The following PRKX variants were observed in gnomAD, a reference collection of about 807,000 sequenced individuals.
The protein encoded by PRKX is cAMP-dependent protein kinase catalytic subunit PRKX.
A neutral mutation model predicts 22.0 loss-of-function variants in PRKX; 12 were observed. That is an observed-to-expected ratio of 0.54 (90% CI 0.35 to 0.88). The LOEUF is 0.88. Among genes scored for constraint, PRKX ranks in the 40% least tolerant of loss-of-function variants. PRKX has a pLI of 0.01. For synonymous variants in PRKX, 134 were observed against 137.7 expected (o/e 0.97, Z 0.19); for missense variants, 217 against 308.0 (o/e 0.70, Z 2.21).
At chrX:3,707,257 G>A (rs983162455) in intron 1 of PRKX, among the ~76,000 whole-genome samples, 4 of 112,172 alleles carry the variant, frequency 3.6e-5, no homozygotes, top group Non-Finnish European at 5.6e-5. Flanking sequence ...AACAACTGCC[G>A]ATAATGCCAT....
At chrX:3,622,567 C>A (rs1214021465) in intron 5 of PRKX, among the ~76,000 whole-genome samples, 12 of 110,569 alleles carry the variant, frequency 1.1e-4, no homozygotes, top group African/African-American at 4.0e-4. Context: ...TTGTGAATCT[C>A]GCCAGTGCTG....
At chrX:3,629,590 A>T (rs1033474231) in intron 4 of PRKX, among the ~76,000 whole-genome samples, 1 of 110,782 alleles carries the variant, frequency 9.0e-6, no homozygotes, top group African/African-American at 3.3e-5. Context: ...TTCATGGAAC[A>T]GTATGTGGCA....
chrX:3,653,244 G>A (rs1927373849), intron 3 of PRKX, among the ~76,000 whole-genome samples: 1 of 110,251 alleles, frequency 9.1e-6, no homozygotes, highest in Non-Finnish European at 1.9e-5. Flanking sequence ...GGGCCCCAGA[G>A]AGCCCCCTCG....
chrX:3,712,676 G>A (rs1207365889), intron 1 of PRKX, among the ~76,000 whole-genome samples: 1 of 112,380 alleles, frequency 8.9e-6, no homozygotes, highest in Non-Finnish European at 1.9e-5. Flanking sequence ...GCCTAGGGGA[G>A]GCCTGCAGGG....
intron 8 of PRKX, among the ~76,000 whole-genome samples, chrX:3,609,840 C>T (rs1330135197): frequency 8.9e-6 from 1 of 111,775 alleles, no homozygotes; most frequent in Non-Finnish European, 1.9e-5. Context: ...AAAATGGGAT[C>T]CCCAATTCAA....
chrX:3,708,502 T>A (rs68013223), intron 1 of PRKX, among the ~76,000 whole-genome samples: 1,450 of 110,287 alleles, frequency 0.013, 22 homozygotes, highest in African/African-American at 0.046. Flanking sequence ...TCATTAATTA[T>A]GAAGATCTCC....
At chrX:3,697,804 GC>G (rs1928475807) in intron 1 of PRKX, among the ~76,000 whole-genome samples, 1 of 111,684 alleles carries the variant, frequency 9.0e-6, no homozygotes, top group South Asian at 3.7e-4. Flanking sequence ...TCCCGCCTCG[GC>G]CGCGCAAAAT....
chrX:3,657,557 CACTA>C (rs745510337), intron 2 of PRKX, among the ~76,000 whole-genome samples: 7 of 112,386 alleles, frequency 6.2e-5, no homozygotes, highest in South Asian at 3.7e-4. Flanking sequence ...GTTATGGCAG[CACTA>C]ACTAACTAAC....
chrX:3,687,164 C>A (rs781196955), intron 1 of PRKX, among the ~76,000 whole-genome samples: 2 of 111,166 alleles, frequency 1.8e-5, no homozygotes, highest in African/African-American at 6.5e-5. Context: ...GTACTACAGG[C>A]ATGCGCCACC....
chrX:3,619,855 CTG>C (rs1359892740), intron 6 of PRKX, among the ~76,000 whole-genome samples: 1 of 111,513 alleles, frequency 9.0e-6, no homozygotes, highest in Non-Finnish European at 1.9e-5. Flanking sequence ...CCCCGGTGTA[CTG>C]TGTCTCTCCA....
chrX:3,654,275 TA>T (rs1431014201), intron 3 of PRKX, among the ~76,000 whole-genome samples: 1 of 97,184 alleles, frequency 1.0e-5, no homozygotes, highest in Non-Finnish European at 2.0e-5. Context: ...TATACATATA[TA>T]ATACTATATC....
At position 3,674,640 on chromosome X, in the gene PRKX, T is replaced by G; in HGVS notation, c.293A>C (p.Lys98Thr). ...LKQEQHVHNE[K>T]SVLKEVSHPF... ...GTGGCTGACTTCCTTCAGGACAGAC[T>G]TCTCATTGTGTACGTGTTGCTCCTG... Residue 98 changes from lysine to threonine, a missense_variant, in exon 2 of 9, where the codon AAG becomes ACG. Coordinates refer to ENST00000262848, the MANE Select transcript of PRKX (RefSeq NM_005044.5). The G allele has an allele frequency of 2.5e-6, 3 of 1,211,796 alleles. No homozygotes were observed. Among genetic ancestry groups the G allele is most frequent in the Non-Finnish European group, 3.4e-6 (3 of 895,504 alleles).
intron 5 of PRKX, among the ~76,000 whole-genome samples, chrX:3,625,007 G>A (rs1044361834): frequency 1.8e-4 from 20 of 110,990 alleles, no homozygotes; most frequent in African/African-American, 6.6e-4. Context: ...CTGAGAGAGA[G>A]GTTCTATATA....
At chrX:3,654,017 ATATTATATACTATG>A (rs1196679401) in intron 3 of PRKX, among the ~76,000 whole-genome samples, 11 of 81,844 alleles carry the variant, frequency 1.3e-4, no homozygotes, top group African/African-American at 5.1e-4. Flanking sequence ...TATACTATAT[ATATTATATACTATG>A]TAATATATAT....
At chrX:3,682,675 G>A (rs1034087114) in intron 1 of PRKX, among the ~76,000 whole-genome samples, 2 of 111,655 alleles carry the variant, frequency 1.8e-5, no homozygotes, top group African/African-American at 3.3e-5. Flanking sequence ...ACAGTGATGC[G>A]GCCACAAGCC....
At chrX:3,695,881 T>C (rs1019142731) in intron 1 of PRKX, among the ~76,000 whole-genome samples, 1 of 111,765 alleles carries the variant, frequency 8.9e-6, no homozygotes, top group Non-Finnish European at 1.9e-5. Context: ...TAAATGATGC[T>C]GGGGGACAGC....
At chrX:3,624,838 T>C (rs1926628853) in intron 5 of PRKX, among the ~76,000 whole-genome samples, 1 of 110,493 alleles carries the variant, frequency 9.1e-6, no homozygotes, top group Non-Finnish European at 1.9e-5. Context: ...CAGGCTGGCC[T>C]CAAACTATTG....
chrX:3,630,288 G>A (rs780043576), intron 4 of PRKX, among the ~76,000 whole-genome samples: 36 of 111,933 alleles, frequency 3.2e-4, no homozygotes, highest in Non-Finnish European at 5.1e-4. Context: ...GGCCAGGCGC[G>A]GTGGCTCATG....
At chrX:3,693,800 T>A (rs1398074015) in intron 1 of PRKX, among the ~76,000 whole-genome samples, 3 of 106,651 alleles carry the variant, frequency 2.8e-5, no homozygotes, top group African/African-American at 1.0e-4. Flanking sequence ...ATTAGCCGGG[T>A]GTGGTGGCGG....
Sources: allele counts gnomAD v4.1 joint callset (sites outside exome capture counted in the v4.1 genomes callset), GRCh38; gene constraint gnomAD v4.1.1; transcripts MANE v1.5; gene names NCBI Gene and HGNC (gene_info 2026-07-23, HGNC 2026-07-21).